The following SNAP91 variants were observed in gnomAD, a reference collection of about 807,000 sequenced individuals.
The protein encoded by SNAP91 is clathrin coat assembly protein AP180.
Under a neutral mutation model 100.3 loss-of-function variants are expected in SNAP91, and 27 were observed. The observed-to-expected ratio is 0.27, with a 90% CI of 0.20 to 0.37. The LOEUF (loss-of-function observed/expected upper bound fraction) is 0.37. Among genes scored for constraint, SNAP91 ranks in the 10% least tolerant of loss-of-function variants. The pLI is 1.00. For missense variants in SNAP91, 986 were observed against 1,123.7 expected, an observed-to-expected ratio of 0.88 and a Z score of 1.75; for synonymous variants, 404 against 398.6, an observed-to-expected ratio of 1.01 and a Z score of -0.16.
At chr6:83,701,821 G>A (rs975746583) in intron 2 of SNAP91, among the ~76,000 whole-genome samples, 1 of 152,232 alleles carries the variant, frequency 6.6e-6, no homozygotes, top group Non-Finnish European at 1.5e-5. Context: ...ACACAAGGAA[G>A]AGGAGGATCC....
chr6:83,667,592 A>G (rs1275302657), intron 2 of SNAP91, among the ~76,000 whole-genome samples: 1 of 152,012 alleles, frequency 6.6e-6, no homozygotes, highest in East Asian at 1.9e-4. Flanking sequence ...ATTATTTAAA[A>G]GTGAATTTTA....
intron 22 of SNAP91, among the ~76,000 whole-genome samples, chr6:83,589,251 T>A (rs3798871): frequency 0.042 from 6,388 of 152,228 alleles, 415 homozygotes; most frequent in East Asian, 0.19. Context: ...TAAGAATATC[T>A]AGGCCTGGAT....
chr6:83,708,797 C>G (rs1437797237), intron 1 of SNAP91, 48 bp downstream of exon 1: 2 of 152,108 alleles, frequency 1.3e-5, no homozygotes, highest in South Asian at 2.1e-4. Flanking sequence ...CGGATCCCCG[C>G]GAGACCCTGG....
chr6:83,676,593 T>G (rs2098905638), intron 2 of SNAP91, among the ~76,000 whole-genome samples: 1 of 151,778 alleles, frequency 6.6e-6, no homozygotes, highest in African/African-American at 2.4e-5. Context: ...AGGGACGGAG[T>G]GGTGGACAGA....
In SNAP91 at chr6:83,582,215, G is replaced by C; in HGVS notation, c.2149+7C>G. ...ATGAAAAGAATGTTTGAAAGTCACT[G>C]CCTCACCTGATGGATCAAAGGAGCT... On this transcript the variant is annotated splice_region_variant and intron_variant, in intron 23 of 29. Transcript: ENST00000369694. 6.2e-7 allele frequency: 1 copy of C among 1,613,282 alleles called. No individual in the cohort carries two copies. The highest frequency in any genetic ancestry group is 1.7e-5 in the Admixed American group (1 of 59,968).
intron 29 of SNAP91, among the ~76,000 whole-genome samples, chr6:83,555,614 G>A (rs1776660105): frequency 1.3e-5 from 2 of 152,106 alleles, no homozygotes; most frequent in South Asian, 4.1e-4. Context: ...ACTTCAGCAT[G>A]AGTCATTTCA....
chr6:83,580,812 G>C (rs1307615272), intron 23 of SNAP91, among the ~76,000 whole-genome samples: 2 of 152,158 alleles, frequency 1.3e-5, no homozygotes, highest in East Asian at 1.9e-4. Flanking sequence ...TAATGAACAT[G>C]AACAAGGATG....
At chr6:83,663,813 A>G (rs1310098887) in intron 3 of SNAP91, among the ~76,000 whole-genome samples, 1 of 152,178 alleles carries the variant, frequency 6.6e-6, no homozygotes, top group Admixed American at 6.6e-5. Flanking sequence ...TTCAATTGGA[A>G]GAAGATGCCA....
intron 22 of SNAP91, among the ~76,000 whole-genome samples, chr6:83,588,490 T>C (rs1359809798): frequency 6.6e-6 from 1 of 152,180 alleles, no homozygotes; most frequent in African/African-American, 2.4e-5. Flanking sequence ...AATTGAATAA[T>C]TTTATTTTTT....
At chr6:83,574,533 G>A (rs909647189) in intron 26 of SNAP91, among the ~76,000 whole-genome samples, 1 of 151,968 alleles carries the variant, frequency 6.6e-6, no homozygotes, top group African/African-American at 2.4e-5. Flanking sequence ...CAATCTTTCT[G>A]GTAGGAAAAA....
At chr6:83,649,778 G>A (rs2128631990) in intron 7 of SNAP91, among the ~76,000 whole-genome samples, 1 of 150,864 alleles carries the variant, frequency 6.6e-6, no homozygotes, top group Admixed American at 6.6e-5. Flanking sequence ...TAGTAGAGAT[G>A]GGGTTTCACC....
At chr6:83,594,579 T>C (rs185218797) in intron 16 of SNAP91, 98 bp from the exon 17 acceptor site, 82 of 721,558 alleles carry the variant, frequency 1.1e-4, no homozygotes, top group African/African-American at 1.6e-4. Flanking sequence ...GGCTCCCTTA[T>C]ACAACATGAA....
At chr6:83,576,175 G>A (rs1305484963) in intron 24 of SNAP91, 122 bp from the exon 25 acceptor site, 1 of 527,100 alleles carries the variant, frequency 1.9e-6, no homozygotes, top group East Asian at 3.5e-5. Context: ...AGGAATGACT[G>A]CATTCAGTTA....
chr6:83,570,832 G>A (rs1054797603), intron 26 of SNAP91, among the ~76,000 whole-genome samples: 2 of 152,192 alleles, frequency 1.3e-5, no homozygotes, highest in Non-Finnish European at 2.9e-5. Context: ...TGCTGCAGGG[G>A]CAGGGCTCTC....
intron 28 of SNAP91, among the ~76,000 whole-genome samples, chr6:83,559,497 A>G (rs1370867000): frequency 1.3e-5 from 2 of 152,180 alleles, no homozygotes; most frequent in Non-Finnish European, 1.5e-5. Flanking sequence ...TTACTACAAT[A>G]AAACTCTTAT....
At chr6:83,704,053 T>A (rs1463245980) in intron 2 of SNAP91, among the ~76,000 whole-genome samples, 1 of 152,192 alleles carries the variant, frequency 6.6e-6, no homozygotes, top group Non-Finnish European at 1.5e-5. Flanking sequence ...AGGTACTGGG[T>A]GCCTATTACT....
intron 8 of SNAP91, among the ~76,000 whole-genome samples, chr6:83,629,848 C>T (rs2097135082): frequency 1.3e-5 from 2 of 151,972 alleles, no homozygotes; most frequent in South Asian, 2.1e-4. Context: ...CCATTTCGTA[C>T]TCTTGTTTGA....
chr6:83,603,712 G>C (rs1243711131), intron 14 of SNAP91, among the ~76,000 whole-genome samples: 2 of 152,112 alleles, frequency 1.3e-5, no homozygotes, highest in Non-Finnish European at 2.9e-5. Context: ...CAAGGATAAT[G>C]AGAAAGGCTC....
At chr6:83,640,121 T>C (rs1207046800) in intron 8 of SNAP91, among the ~76,000 whole-genome samples, 1 of 152,172 alleles carries the variant, frequency 6.6e-6, no homozygotes, top group East Asian at 1.9e-4. Context: ...CTACATGTTG[T>C]ATGGGTGAAA....
Sources: gnomAD v4.1 joint callset for allele counts (sites outside exome capture counted in the v4.1 genomes callset) on GRCh38, gnomAD v4.1.1 for gene constraint, MANE v1.5 for transcripts, NCBI Gene and HGNC (gene_info 2026-07-23, HGNC 2026-07-21) for gene names.